PCDH11Y: variants seen among roughly 807,000 people sequenced by gnomAD.
PCDH11Y encodes protocadherin 11 Y-linked, also known as protocadherin-11 Y-linked.
For synonymous variants in PCDH11Y, 9 were observed against 83.6 expected, an observed-to-expected ratio of 0.11 and a Z score of 4.87; for missense variants, 12 against 224.8, an observed-to-expected ratio of 0.05 and a Z score of 6.05.
intron 1 of PCDH11Y, among the ~76,000 whole-genome samples, chrY:5,070,137 A>G (rs2052697614): frequency 3.0e-5 from 1 of 33,307 alleles, no homozygotes; most frequent in Non-Finnish European, 7.4e-5. Context: ...TGGATATTAT[A>G]TATTTCATAT....
At chrY:5,274,160 A>G in intron 2 of PCDH11Y, among the ~76,000 whole-genome samples, 5 of 33,080 alleles carry the variant, frequency 1.5e-4, no homozygotes, top group African/African-American at 5.9e-4. Context: ...TAGCCTTTGA[A>G]AGATTAAAAT....
chrY:5,694,515 A>G, intron 4 of PCDH11Y, among the ~76,000 whole-genome samples: 2 of 32,358 alleles, frequency 6.2e-5, no homozygotes, highest in Non-Finnish European at 1.5e-4. Context: ...AACACCTTTC[A>G]GGGTTTGTTT....
chrY:5,006,626 T>C (rs2052540250), intron 1 of PCDH11Y, among the ~76,000 whole-genome samples: 1 of 33,555 alleles, frequency 3.0e-5, no homozygotes, highest in Admixed American at 2.7e-4. Context: ...GAACATTTAA[T>C]TGGATTGACT....
intron 2 of PCDH11Y, among the ~76,000 whole-genome samples, chrY:5,414,051 C>A (rs1602922191): frequency 6.1e-5 from 2 of 33,004 alleles, no homozygotes; most frequent in Admixed American, 5.6e-4. Context: ...CCAACTCCTG[C>A]ATTCATTAAT....
intron 3 of PCDH11Y, among the ~76,000 whole-genome samples, chrY:5,520,579 A>G: frequency 3.0e-5 from 1 of 33,341 alleles, no homozygotes; most frequent in East Asian, 8.0e-4. Flanking sequence ...AAAAACTGCT[A>G]CAAAGAACAA....
At chrY:5,662,813 TG>T (rs2053541865) in intron 4 of PCDH11Y, among the ~76,000 whole-genome samples, 1 of 30,684 alleles carries the variant, frequency 3.3e-5, no homozygotes, top group Non-Finnish European at 7.8e-5. Context: ...AATAAAGTTT[TG>T]GCCGGGCATG....
chrY:5,641,585 G>A, intron 4 of PCDH11Y, among the ~76,000 whole-genome samples: 7 of 32,829 alleles, frequency 2.1e-4, no homozygotes, highest in African/African-American at 7.1e-4. Flanking sequence ...TTGATTGTTC[G>A]CCCTCTTATC....
At chrY:5,043,869 T>A in intron 3 of PCDH11Y, among the ~76,000 whole-genome samples, 1 of 33,681 alleles carries the variant, frequency 3.0e-5, no homozygotes, top group Non-Finnish European at 7.3e-5. Flanking sequence ...ATTTATCCAT[T>A]TCTTCTAGAT....
At chrY:5,185,116 G>A in intron 2 of PCDH11Y, among the ~76,000 whole-genome samples, 1 of 32,263 alleles carries the variant, frequency 3.1e-5, no homozygotes, top group Non-Finnish European at 7.5e-5. Context: ...GTCTTGATCT[G>A]TCTCCTACGC....
Position 5,561,492 on chromosome Y carries a change from G to A in PCDH11Y, c.3329-20283G>A. Among the ~76,000 whole-genome samples, 6 of 20,292 alleles carry A rather than the reference G, an allele frequency of 3.0e-4. No homozygotes were observed. The Admixed American group carries it at 3.0e-3, about 10-fold the overall frequency. The allele number at this position is 20,292 out of a possible 37,273, so 54.4% of individuals were successfully genotyped here. On this transcript the variant is annotated intron_variant, in intron 3 of 4. Transcript: ENST00000400457. ...CCACAATTCCCATATGTTGTGGGGG[G>A]AACCCAGTGGGAAGTGACTGAATTA...
intron 4 of PCDH11Y, among the ~76,000 whole-genome samples, chrY:5,605,169 A>C: frequency 3.0e-5 from 1 of 32,874 alleles, no homozygotes; most frequent in East Asian, 8.0e-4. Context: ...CCTGGTTTTG[A>C]ATTTAATATA....
intron 2 of PCDH11Y, among the ~76,000 whole-genome samples, chrY:5,410,599 A>G: frequency 3.1e-5 from 1 of 32,249 alleles, no homozygotes; most frequent in East Asian, 8.3e-4. Flanking sequence ...ATTGCATGTG[A>G]CAGGAGTTAA....
At chrY:5,614,484 A>T (rs2053490998) in intron 4 of PCDH11Y, among the ~76,000 whole-genome samples, 3 of 30,723 alleles carry the variant, frequency 9.8e-5, no homozygotes, top group Non-Finnish European at 2.3e-4. Context: ...GCTTTAAACA[A>T]TCCAGATAAT....
At chrY:5,490,291 G>A in intron 2 of PCDH11Y, among the ~76,000 whole-genome samples, 2 of 33,428 alleles carry the variant, frequency 6.0e-5, no homozygotes, top group Non-Finnish European at 1.5e-4. Context: ...TCTTTTCACC[G>A]TGTACTCACA....
intron 3 of PCDH11Y, among the ~76,000 whole-genome samples, chrY:5,545,699 G>A: frequency 2.5e-4 from 8 of 32,334 alleles, no homozygotes; most frequent in Non-Finnish European, 4.6e-4. Flanking sequence ...TAGGAGTTGA[G>A]TAAATACTTG....
At chrY:5,419,175 A>G (rs2124679298) in intron 2 of PCDH11Y, among the ~76,000 whole-genome samples, 1 of 33,437 alleles carries the variant, frequency 3.0e-5, no homozygotes, top group East Asian at 8.0e-4. Context: ...ATTGAAATAA[A>G]CTTAGAAAAA....
At chrY:5,448,181 T>C in intron 2 of PCDH11Y, among the ~76,000 whole-genome samples, 1 of 33,198 alleles carries the variant, frequency 3.0e-5, no homozygotes, top group African/African-American at 1.2e-4. Context: ...TTTTTTTCAA[T>C]GAATACTGTA....
intron 2 of PCDH11Y, among the ~76,000 whole-genome samples, chrY:5,174,598 C>T: frequency 3.1e-5 from 1 of 32,636 alleles, no homozygotes; most frequent in African/African-American, 1.2e-4. Context: ...TTTTCAACTA[C>T]GGGCATTTAT....
chrY:5,506,344 C>G (rs2053358971), intron 3 of PCDH11Y, among the ~76,000 whole-genome samples: 55 of 32,831 alleles, frequency 1.7e-3, no homozygotes, highest in Non-Finnish European at 3.7e-3. Context: ...TTGTTTGCTG[C>G]TATATGCCCA....
Sources: allele counts gnomAD v4.1 joint callset (sites outside exome capture counted in the v4.1 genomes callset), GRCh38; gene constraint gnomAD v4.1.1; transcripts MANE v1.5; gene names NCBI Gene and HGNC (gene_info 2026-07-23, HGNC 2026-07-21).